PKP2: variants seen among roughly 807,000 people sequenced by gnomAD.
The protein encoded by PKP2 is plakophilin-2.
In PKP2, 73 loss-of-function variants were observed where a neutral mutation model predicts 83.4. That is an observed-to-expected ratio of 0.88 (90% CI 0.72 to 1.06). PKP2 has a LOEUF of 1.06. PKP2 is among the 50% of genes least tolerant of loss of function. PKP2 has a pLI of 0.00. For synonymous variants in PKP2, 409 were observed against 430.4 expected, an observed-to-expected ratio of 0.95 and a Z score of 0.62; for missense variants, 966 against 1,065.4, an observed-to-expected ratio of 0.91 and a Z score of 1.30.
intron 4 of PKP2, among the ~76,000 whole-genome samples, chr12:32,868,512 C>T (rs995645094): frequency 6.6e-5 from 10 of 150,992 alleles, no homozygotes; most frequent in Non-Finnish European, 8.8e-5. Context: ...CCACTGCACC[C>T]GGTTGATTTT....
At chr12:32,804,742 A>C (rs918439491) in intron 9 of PKP2, among the ~76,000 whole-genome samples, 9 of 152,216 alleles carry the variant, frequency 5.9e-5, no homozygotes, top group African/African-American at 1.9e-4. Flanking sequence ...TGCTATTGTG[A>C]ATAGTGCTGC....
chr12:32,869,410 C>A (rs1462403284), intron 3 of PKP2, among the ~76,000 whole-genome samples: 1 of 145,702 alleles, frequency 6.9e-6, no homozygotes, highest in Non-Finnish European at 1.6e-5. Context: ...CATGGTGAAA[C>A]CCTATCTCTA....
chr12:32,831,733 A>G (rs188065120), intron 6 of PKP2, among the ~76,000 whole-genome samples: 10 of 152,324 alleles, frequency 6.6e-5, no homozygotes, highest in Admixed American at 3.3e-4. Context: ...ATTTCTGTAA[A>G]GTACAACTTT....
At chr12:32,887,697 C>T (rs1957042088) in intron 1 of PKP2, among the ~76,000 whole-genome samples, 1 of 152,212 alleles carries the variant, frequency 6.6e-6, no homozygotes, top group Non-Finnish European at 1.5e-5. Context: ...AGAGTTCTAC[C>T]CGCCTCGGGC....
intron 4 of PKP2, among the ~76,000 whole-genome samples, chr12:32,857,261 A>G (rs1298268352): frequency 1.3e-5 from 2 of 152,124 alleles, no homozygotes. Context: ...CCATCTGCAC[A>G]AAAAATGTTT....
rs1565574688 is a variant in PKP2 at position 32,802,431 on chromosome 12, G to C, written c.2139C>G (p.Ser713=). 1 of 1,614,012 alleles carries C rather than the reference G, an allele frequency of 6.2e-7. No homozygotes were observed. Among genetic ancestry groups the C allele is most frequent in the Non-Finnish European group, 8.5e-7 (1 of 1,179,966 alleles). ...KTAISLLRNL[S]RNLSLQNEIA... ...TTTCATTCTGCAGAGAAAGATTCCG[G>C]GACAGATTCCTCAGCAGCGAGATGG... Residue 713 remains serine (S), a synonymous_variant, in exon 10 of 13, where the codon TCC becomes TCG. Coordinates refer to ENST00000340811, the MANE Select transcript of PKP2 (RefSeq NM_001005242.3).
chr12:32,814,203 T>C (rs1271161080), intron 9 of PKP2, among the ~76,000 whole-genome samples: 1 of 152,206 alleles, frequency 6.6e-6, no homozygotes, highest in Non-Finnish European at 1.5e-5. Context: ...GCATTTTCTT[T>C]GCTATCACAA....
chr12:32,868,839 A>T, intron 4 of PKP2, 88 bp downstream of exon 4: 1 of 1,434,916 alleles, frequency 7.0e-7, no homozygotes. Context: ...TTAAAAATTT[A>T]AATAAATTAT....
rs7138758 is a variant in PKP2 at position 32,796,493 on chromosome 12, T to C, written c.2168-195A>G. Reference sequence around the variant, plus strand: ...TGCCTCCCGGGTTCACGCCATTCTCTTGCCTCAGCCTCCCGAGTAGTTGGG... The same window carrying C: ...TGCCTCCCGGGTTCACGCCATTCTCCTGCCTCAGCCTCCCGAGTAGTTGGG... On this transcript the variant is annotated intron_variant, in intron 10 of 12. Transcript: ENST00000340811. Among the ~76,000 whole-genome samples the C allele has an allele frequency of 0.21, 31,263 of 152,018 alleles. 3,892 individuals carry two copies. Among genetic ancestry groups the C allele is most frequent in the East Asian group, 0.57 (2,918 of 5,146 alleles).
intron 1 of PKP2, chr12:32,894,273 CA>C (rs1957101924): frequency 6.6e-6 from 1 of 152,122 alleles, no homozygotes; most frequent in Non-Finnish European, 1.5e-5. Context: ...TCTTTTGGGT[CA>C]CTTACTACTT....
intron 10 of PKP2, among the ~76,000 whole-genome samples, chr12:32,797,845 C>T (rs1419934932): frequency 4.0e-5 from 6 of 151,650 alleles, no homozygotes; most frequent in Non-Finnish European, 8.8e-5. Flanking sequence ...CGTGAGCTAC[C>T]GCGCCTGGCC....
chr12:32,877,952 C>CTG lies in PKP2; in HGVS notation c.927_928insCA (p.Val310GlnfsTer11). ...TGCGCTCTCCTCCCGCTGGAATCCA[C>CTG]GGCGACACTGGGCCCAGCTTCCCTC... On this transcript the variant is annotated frameshift_variant, in exon 3 of 13. Coordinates refer to ENST00000340811, the MANE Select transcript of PKP2 (RefSeq NM_001005242.3). LOFTEE classifies it high-confidence loss of function. The CTG allele has an allele frequency of 6.2e-7, 1 of 1,614,146 alleles. No individual in the cohort carries two copies. Among genetic ancestry groups the CTG allele is most frequent in the Non-Finnish European group, 8.5e-7 (1 of 1,180,018 alleles).
intron 5 of PKP2, among the ~76,000 whole-genome samples, chr12:32,844,925 A>G (rs1956632203): frequency 6.6e-6 from 1 of 152,204 alleles, no homozygotes. Flanking sequence ...TGTCCCTTCA[A>G]TGATCAGATT....
chr12:32,874,167 A>G (rs1956915143), intron 3 of PKP2, among the ~76,000 whole-genome samples: 1 of 152,230 alleles, frequency 6.6e-6, no homozygotes, highest in South Asian at 2.1e-4. Context: ...CATATATGAA[A>G]GAATACTCCT....
chr12:32,796,035 C>CTA, intron 11 of PKP2, 74 bp downstream of exon 11: 3 of 1,339,780 alleles, frequency 2.2e-6, no homozygotes, highest in Non-Finnish European at 3.2e-6. Context: ...ACCGCACATT[C>CTA]ACAACCGGAT....
chr12:32,842,730 G>C (rs903434187), intron 5 of PKP2, among the ~76,000 whole-genome samples: 4 of 151,330 alleles, frequency 2.6e-5, no homozygotes, highest in African/African-American at 9.7e-5. Flanking sequence ...GCTGAAGTGC[G>C]GTGGCGCAAT....
At chr12:32,874,638 T>C (rs1956918378) in intron 3 of PKP2, among the ~76,000 whole-genome samples, 1 of 152,180 alleles carries the variant, frequency 6.6e-6, no homozygotes, top group South Asian at 2.1e-4. Flanking sequence ...AATCCAAAAA[T>C]AGTATGACTA....
rs185581898 is a variant in PKP2, at chr12:32,833,035, G to T, written c.1556+7993C>A. 2.6e-5 allele frequency among the ~76,000 whole-genome samples: 4 copies of T among 152,258 alleles called. No homozygotes were observed. The East Asian group carries it at 7.7e-4, about 29-fold the overall frequency. The stretch of plus-strand genomic sequence containing the variant: ...CCAGGCAGGCAGATCATGAGGTCAG[G>T]AGTTTGAGACCAGCCTGGCCAATAT... On this transcript the variant is annotated intron_variant, in intron 6 of 12. Transcript: ENST00000340811.
chr12:32,808,738 T>G (rs145929079), intron 9 of PKP2, among the ~76,000 whole-genome samples: 115 of 152,334 alleles, frequency 7.5e-4, no homozygotes, highest in African/African-American at 2.7e-3. Flanking sequence ...TGTTGTTGTT[T>G]TTTTCTTTTC....
Sources: allele counts gnomAD v4.1 joint callset (sites outside exome capture counted in the v4.1 genomes callset), GRCh38; gene constraint gnomAD v4.1.1; transcripts MANE v1.5; gene names NCBI Gene and HGNC (gene_info 2026-07-23, HGNC 2026-07-21).